Variants in RUVBL1 observed in about 807,000 individuals in gnomAD.
RUVBL1 encodes the protein RuvB like AAA ATPase 1.
Under a neutral mutation model 52.4 loss-of-function variants are expected in RUVBL1, and 4 were observed. The ratio of observed to expected loss-of-function variants is 0.08; its 90% confidence interval spans 0.04 to 0.17. The LOEUF is 0.17. RUVBL1 is among the 10% of genes least tolerant of loss of function. RUVBL1 has a pLI of 1.00. For missense variants in RUVBL1, 298 were observed against 572.8 expected (o/e 0.52, Z 4.90); for synonymous variants, 217 against 214.4 (o/e 1.01, Z -0.10).
upstream of RUVBL1, among the ~76,000 whole-genome samples, chr3:128,126,494 C>A (rs551017343): frequency 6.6e-6 from 1 of 151,042 alleles, no homozygotes; most frequent in South Asian, 2.1e-4. Context: ...TGCAGTGAGC[C>A]GAGATCGTGC....
intron 4 of RUVBL1, among the ~76,000 whole-genome samples, chr3:128,102,111 A>G (rs931328281): frequency 6.6e-6 from 1 of 152,202 alleles, no homozygotes; most frequent in Non-Finnish European, 1.5e-5. Flanking sequence ...GTGGGGTGGA[A>G]CTTTCCACAA....
chr3:128,115,007 T>TA (rs71615964), intron 2 of RUVBL1, among the ~76,000 whole-genome samples: 21,345 of 146,660 alleles, frequency 0.15, 1,680 homozygotes, highest in African/African-American at 0.22. Context: ...AATACTTGGT[T>TA]AAAAAAAAAA....
intron 8 of RUVBL1, among the ~76,000 whole-genome samples, chr3:128,096,108 T>TAG: frequency 6.6e-6 from 1 of 152,214 alleles, no homozygotes; most frequent in Non-Finnish European, 1.5e-5. Context: ...TCCACTGCCC[T>TAG]GAGCATGCAG....
At chr3:128,142,819 C>T (rs1407814544) in intron 1 of RUVBL1, among the ~76,000 whole-genome samples, 1 of 152,054 alleles carries the variant, frequency 6.6e-6, no homozygotes, top group Non-Finnish European at 1.5e-5. Flanking sequence ...CTCACTCTGT[C>T]GCCCAGGCTG....
chr3:128,077,114 C>T (rs944411393), downstream of RUVBL1, among the ~76,000 whole-genome samples: 7 of 151,880 alleles, frequency 4.6e-5, no homozygotes, highest in Non-Finnish European at 1.5e-5. Flanking sequence ...CCGGGCCGGC[C>T]TGACAGCCGC....
Position 128,123,767 on chromosome 3 carries a change from G to C in RUVBL1, c.-43C>G. On this transcript the variant is annotated 5_prime_UTR_variant, in exon 1 of 11. Transcript: ENST00000322623. ...CTAAAACCAGCGTGGAAAACCAGCA[G>C]CTAGGACAGTGCGCCCGGCGCCTGA... 6.4e-7 allele frequency: 1 copy of C among 1,552,648 alleles called. No homozygotes were observed. The highest frequency in any genetic ancestry group is 8.8e-7 in the Non-Finnish European group (1 of 1,141,154).
chr3:128,146,809 G>A (rs879810899), intron 1 of RUVBL1, among the ~76,000 whole-genome samples: 2 of 152,152 alleles, frequency 1.3e-5, no homozygotes, highest in Admixed American at 6.5e-5. Flanking sequence ...GTCTGTGTGT[G>A]TGTGCATGCA....
intron 1 of RUVBL1, among the ~76,000 whole-genome samples, chr3:128,151,589 C>G (rs1043779545): frequency 1.3e-5 from 2 of 151,982 alleles, no homozygotes; most frequent in African/African-American, 4.8e-5. Context: ...CGTATTTTTA[C>G]AGTTTCCTAT....
intron 1 of RUVBL1, among the ~76,000 whole-genome samples, chr3:128,134,610 A>T (rs1388903393): frequency 6.6e-6 from 1 of 151,972 alleles, no homozygotes; most frequent in Non-Finnish European, 1.5e-5. Flanking sequence ...AACATGGTGA[A>T]ACCCCATCTC....
chr3:128,106,576 C>G (rs1943246252), intron 3 of RUVBL1, among the ~76,000 whole-genome samples: 2 of 152,304 alleles, frequency 1.3e-5, no homozygotes, highest in South Asian at 2.1e-4. Flanking sequence ...ACCTTGCCTA[C>G]CCCTCTGCAG....
At chr3:128,094,909 CACT>C (rs1050474911) in intron 8 of RUVBL1, among the ~76,000 whole-genome samples, 3 of 152,172 alleles carry the variant, frequency 2.0e-5, no homozygotes, top group South Asian at 2.1e-4. Flanking sequence ...TTATTATCAC[CACT>C]ACAACAAATT....
In RUVBL1 at chr3:128,081,629, A is replaced by G; in HGVS notation, c.1212-220T>C. On this transcript the variant is annotated intron_variant, in intron 10 of 10. Coordinates refer to ENST00000322623, the MANE Select transcript of RUVBL1 (RefSeq NM_003707.3). The surrounding 1 kb of genome is among the most constrained non-coding windows in gnomAD (Gnocchi z 4.8). The stretch of plus-strand genomic sequence containing the variant: ...GGTCCAGGAGCCACCAAGAAGACAT[A>G]AGTGCTATTCCCCAAATCTTTAGTA... 3.7e-6 allele frequency: 2 copies of G among 536,252 alleles called. No individual in the cohort carries two copies. Among genetic ancestry groups the G allele is most frequent in the East Asian group, 5.8e-5 (2 of 34,212 alleles). 33.2% of individuals were successfully genotyped at this position (536,252 alleles called of 1,614,324 possible). A position where few individuals can be genotyped will look rare whatever the true frequency, so the allele number is the denominator to read the frequency against.
rs1942478451 is a variant in RUVBL1, at chr3:128,081,618, C to G, written c.1212-209G>C. ...CCATCAGAGAGGGTCCAGGAGCCAC[C>G]AAGAAGACATAAGTGCTATTCCCCA... On this transcript the variant is annotated intron_variant, in intron 10 of 10. Coordinates refer to ENST00000322623, the MANE Select transcript of RUVBL1 (RefSeq NM_003707.3). The surrounding 1 kb of genome is among the most constrained non-coding windows in gnomAD (Gnocchi z 4.8). 5 of 556,916 alleles carry G rather than the reference C, an allele frequency of 9.0e-6. No individual in the cohort carries two copies. Among genetic ancestry groups the G allele is most frequent in the Admixed American group, 3.3e-5 (1 of 30,670 alleles). 34.5% of individuals were successfully genotyped at this position (556,916 alleles called of 1,614,324 possible).
chr3:128,110,710 C>A (rs1381211038), intron 3 of RUVBL1, among the ~76,000 whole-genome samples: 1 of 152,078 alleles, frequency 6.6e-6, no homozygotes, highest in Non-Finnish European at 1.5e-5. Context: ...TTATGGGGAC[C>A]TGGTCAGAAG....
intron 1 of RUVBL1, among the ~76,000 whole-genome samples, chr3:128,130,227 C>T (rs763968213): frequency 1.4e-5 from 2 of 146,534 alleles, no homozygotes; most frequent in Non-Finnish European, 3.0e-5. Context: ...ATTTACTATA[C>T]AGAAATAAAA....
intron 9 of RUVBL1, chr3:128,068,881 C>T (rs979501589): frequency 2.2e-4 from 33 of 152,362 alleles, no homozygotes; most frequent in African/African-American, 7.7e-4. Flanking sequence ...GCTACAAAGT[C>T]AGCTGCAGAC....
chr3:128,153,421 G>C (rs998809633), exon 1 of RUVBL1: 4 of 1,419,408 alleles, frequency 2.8e-6, no homozygotes, highest in East Asian at 2.8e-5. Flanking sequence ...GCCGGTTACG[G>C]GGGGGCAACT....
rs1251806816 is a variant in RUVBL1, at chr3:128,153,385, C to G, written c.-222G>C. ...TGAGCCTCAGGAGGGCGGAAGCTTCCGGGCCGGAACGGGTGTGCACAGCGC... is the reference window on the plus strand; with the variant it reads ...TGAGCCTCAGGAGGGCGGAAGCTTCGGGGCCGGAACGGGTGTGCACAGCGC... On this transcript the variant is annotated 5_prime_UTR_variant, in exon 1 of 10. Coordinates refer to the RUVBL1 transcript ENST00000464873. 3.6e-6 allele frequency: 5 copies of G among 1,390,422 alleles called. No homozygotes were observed. In the South Asian group the frequency reaches 8.0e-5, roughly 22 times the overall value. The allele number at this position is 1,390,422 out of a possible 1,614,324, so 86.1% of individuals were successfully genotyped here. A position where few individuals can be genotyped will look rare whatever the true frequency, so the allele number is the denominator to read the frequency against.
chr3:128,150,712 CTATATATTATATATTCTA>C (rs1944175382), intron 1 of RUVBL1, among the ~76,000 whole-genome samples: 1 of 113,254 alleles, frequency 8.8e-6, no homozygotes, highest in Non-Finnish European at 1.7e-5. Flanking sequence ...TATATATATT[CTATATATTATATATTCTA>C]TATATATTCT....
Sources: allele counts gnomAD v4.1 joint callset (sites outside exome capture counted in the v4.1 genomes callset), GRCh38; gene constraint gnomAD v4.1.1; non-coding constraint Gnocchi (gnomAD v3.1); transcripts MANE v1.5; gene names NCBI Gene and HGNC (gene_info 2026-07-23, HGNC 2026-07-21).